Variants in QKI observed in about 807,000 individuals in gnomAD.
QKI encodes the protein KH domain-containing RNA-binding protein QKI.
A neutral mutation model predicts 39.0 loss-of-function variants in QKI; 10 were observed. The ratio of observed to expected loss-of-function variants is 0.26; its 90% CI spans 0.16 to 0.43. QKI has a LOEUF of 0.43. Ranked by LOEUF, QKI falls within the 20% of genes least tolerant of loss-of-function variation. The pLI is 1.00. For synonymous variants in QKI, 204 were observed against 155.4 expected (o/e 1.31, Z -2.33); for missense variants, 218 against 428.0 (o/e 0.51, Z 4.33).
chr6:163,497,396 A>C (rs903365953), intron 3 of QKI, among the ~76,000 whole-genome samples: 1 of 152,108 alleles, frequency 6.6e-6, no homozygotes, highest in Non-Finnish European at 1.5e-5. Context: ...TGCTTTTAAT[A>C]ATTGTATAGT....
chr6:163,420,854 C>T (rs961693809), intron 1 of QKI, among the ~76,000 whole-genome samples: 3 of 152,074 alleles, frequency 2.0e-5, no homozygotes, highest in Non-Finnish European at 2.9e-5. Flanking sequence ...TTGTTTATAA[C>T]CCCAGTCTGT....
intron 1 of QKI, among the ~76,000 whole-genome samples, chr6:163,419,907 T>TGC (rs745410933): frequency 2.6e-5 from 4 of 152,216 alleles, no homozygotes; most frequent in Non-Finnish European, 5.9e-5. Flanking sequence ...AAATGCTTTA[T>TGC]GCACATTATA....
intron 4 of QKI, among the ~76,000 whole-genome samples, chr6:163,542,550 G>A (rs773325466): frequency 1.2e-4 from 19 of 152,182 alleles, no homozygotes; most frequent in African/African-American, 3.8e-4. Flanking sequence ...GGGCTAGACT[G>A]TAATACAGAA....
chr6:163,518,677 G>C (rs1779974912), intron 3 of QKI, among the ~76,000 whole-genome samples: 1 of 152,104 alleles, frequency 6.6e-6, no homozygotes, highest in Admixed American at 6.6e-5. Context: ...AAATTTAGGT[G>C]TTACTAACTG....
intron 2 of QKI, among the ~76,000 whole-genome samples, chr6:163,474,205 GTTTAAGATTAAACTT>G (rs776561540): frequency 6.6e-6 from 1 of 152,132 alleles, no homozygotes; most frequent in Non-Finnish European, 1.5e-5. Flanking sequence ...TCTTCAAAAA[GTTTAAGATTAAACTT>G]TATGGTGGAC....
chr6:163,453,230 A>G (rs1045959707), intron 1 of QKI, among the ~76,000 whole-genome samples: 3 of 151,934 alleles, frequency 2.0e-5, no homozygotes, highest in African/African-American at 4.8e-5. Flanking sequence ...CACTCAGGGT[A>G]TAAATTCTAC....
chr6:163,470,524 C>T (rs1159913954), intron 2 of QKI, among the ~76,000 whole-genome samples: 1 of 152,016 alleles, frequency 6.6e-6, no homozygotes, highest in East Asian at 1.9e-4. Context: ...TATTGTCTGA[C>T]ACACACTAGA....
rs1454035730 is a variant in QKI, at chr6:163,562,248, CTT to C, written c.634+180_634+181del. Among the ~76,000 whole-genome samples the C allele has an allele frequency of 6.6e-5, 10 of 152,302 alleles. No individual in the cohort carries two copies. In the East Asian group the frequency reaches 9.6e-4, roughly 15 times the overall value. On this transcript the variant is annotated intron_variant, in intron 5 of 7. Transcript: ENST00000361752. Reference sequence around the variant, plus strand: ...AATGCTTTCATGAATTGAGGACACTCTTGATTTTATTTTATGTCAGCATGTTG... The same window carrying C: ...AATGCTTTCATGAATTGAGGACACTCGATTTTATTTTATGTCAGCATGTTG...
chr6:163,426,175 A>G (rs1395776219), intron 1 of QKI, among the ~76,000 whole-genome samples: 3 of 152,166 alleles, frequency 2.0e-5, no homozygotes, highest in Non-Finnish European at 4.4e-5. Flanking sequence ...GGATTGTTCA[A>G]ACCAGAATCT....
chr6:163,455,977 A>G (rs955326768), intron 2 of QKI, among the ~76,000 whole-genome samples: 3 of 152,140 alleles, frequency 2.0e-5, no homozygotes, highest in East Asian at 1.9e-4. Context: ...ACAAAGCCCT[A>G]TATGATACGG....
chr6:163,441,092 C>T lies in QKI; in HGVS notation c.143-14187C>T, dbSNP rs548285072. Among the ~76,000 whole-genome samples the T allele has an allele frequency of 2.6e-5, 4 of 152,138 alleles. No individual in the cohort carries two copies. In the South Asian group the frequency reaches 8.3e-4, roughly 32 times the overall value. ...ATGATTGCAGTCCTTTTGTGCAATC[C>T]TGGCAGGAGCAGCCTTTTCCTTATT... On this transcript the variant is annotated intron_variant, in intron 1 of 7. Coordinates refer to ENST00000361752, the MANE Select transcript of QKI (RefSeq NM_006775.3).
At chr6:163,420,249 C>T (rs995027177) in intron 1 of QKI, among the ~76,000 whole-genome samples, 1 of 136,062 alleles carries the variant, frequency 7.3e-6, no homozygotes, top group African/African-American at 2.8e-5. Flanking sequence ...CCAGTGTGAT[C>T]ATAGGAGCAA....
chr6:163,430,159 G>A (rs1261466594), intron 1 of QKI, among the ~76,000 whole-genome samples: 1 of 152,164 alleles, frequency 6.6e-6, no homozygotes, highest in Non-Finnish European at 1.5e-5. Context: ...CTATTAGAGA[G>A]AGCTTTTTAT....
chr6:163,488,785 T>G (rs1777850108), intron 3 of QKI, among the ~76,000 whole-genome samples: 1 of 152,140 alleles, frequency 6.6e-6, no homozygotes, highest in South Asian at 2.1e-4. Flanking sequence ...ATTTTCTAGT[T>G]GTGGAAATTG....
chr6:163,537,294 A>G (rs1178475557), intron 4 of QKI, among the ~76,000 whole-genome samples: 1 of 152,210 alleles, frequency 6.6e-6, no homozygotes, highest in Non-Finnish European at 1.5e-5. Context: ...CATAATACCT[A>G]GCACATACAT....
chr6:163,564,338 A>AG, intron 6 of QKI: 2 of 1,088,686 alleles, frequency 1.8e-6, no homozygotes, highest in Non-Finnish European at 2.3e-6. Flanking sequence ...TTTACTACAC[A>AG]CCTAGGCTGT....
At chr6:163,515,713 C>A (rs894735120) in intron 3 of QKI, among the ~76,000 whole-genome samples, 10 of 152,078 alleles carry the variant, frequency 6.6e-5, no homozygotes, top group African/African-American at 2.2e-4. Context: ...ATAGGTCATT[C>A]TATATGTGAA....
intron 3 of QKI, among the ~76,000 whole-genome samples, chr6:163,487,621 A>G (rs1216215712): frequency 6.6e-6 from 1 of 151,270 alleles, no homozygotes; most frequent in Non-Finnish European, 1.5e-5. Context: ...TCTTGGCTTC[A>G]CTGGGTGATT....
At chr6:163,436,136 G>A (rs1421661441) in intron 1 of QKI, among the ~76,000 whole-genome samples, 1 of 152,032 alleles carries the variant, frequency 6.6e-6, no homozygotes, top group African/African-American at 2.4e-5. Flanking sequence ...TGTGGCTATT[G>A]GAAACATTTA....
Sources: allele counts gnomAD v4.1 joint callset (sites outside exome capture counted in the v4.1 genomes callset), GRCh38; gene constraint gnomAD v4.1.1; transcripts MANE v1.5; gene names NCBI Gene and HGNC (gene_info 2026-07-23, HGNC 2026-07-21).